The following PLEKHM3 variants were observed in gnomAD, a reference collection of about 807,000 sequenced individuals.
The protein encoded by PLEKHM3 is pleckstrin homology domain containing M3.
PLEKHM3 carries 45 observed loss-of-function variants against 81.8 expected under a neutral mutation model. That is an observed-to-expected ratio of 0.55 (90% CI 0.43 to 0.71). The LOEUF (loss-of-function observed/expected upper bound fraction) is 0.71. PLEKHM3 is among the 30% of genes least tolerant of loss of function. PLEKHM3 has a pLI of 0.00. For missense variants in PLEKHM3, 788 were observed against 924.3 expected (o/e 0.85, Z 1.91); for synonymous variants, 352 against 356.4 (o/e 0.99, Z 0.14).
At chr2:207,996,655 C>G (rs763045048) in intron 2 of PLEKHM3, among the ~76,000 whole-genome samples, 5 of 152,032 alleles carry the variant, frequency 3.3e-5, no homozygotes, top group Non-Finnish European at 7.4e-5. Context: ...AATAGCTGAT[C>G]ACAAATCAGT....
intron 4 of PLEKHM3, among the ~76,000 whole-genome samples, chr2:207,943,264 T>C (rs1690004229): frequency 6.6e-6 from 1 of 152,230 alleles, no homozygotes; most frequent in African/African-American, 2.4e-5. Flanking sequence ...ATAGTATGTA[T>C]GTATCAAAAT....
intron 3 of PLEKHM3, among the ~76,000 whole-genome samples, chr2:207,965,546 C>CA (rs1450445505): frequency 1.3e-5 from 2 of 152,022 alleles, no homozygotes; most frequent in Admixed American, 1.3e-4. Flanking sequence ...AGGAATAAAT[C>CA]AAAAAAGCAA....
intron 6 of PLEKHM3, among the ~76,000 whole-genome samples, chr2:207,897,855 T>G (rs1277197450): frequency 6.6e-6 from 1 of 152,216 alleles, no homozygotes; most frequent in Non-Finnish European, 1.5e-5. Context: ...TAGAATATGA[T>G]TTATCAACCA....
intron 5 of PLEKHM3, among the ~76,000 whole-genome samples, chr2:207,924,844 G>C (rs1689333964): frequency 6.6e-6 from 1 of 152,152 alleles, no homozygotes; most frequent in African/African-American, 2.4e-5. Flanking sequence ...GGTATTCCTA[G>C]CATTAGGGAG....
chr2:207,971,692 CATTAATACTATAGCACCACA>C (rs1339260153), intron 3 of PLEKHM3, among the ~76,000 whole-genome samples: 18 of 152,256 alleles, frequency 1.2e-4, no homozygotes, highest in Admixed American at 1.0e-3. Context: ...TTTGTTTTAG[CATTAATACTATAGCACCACA>C]GATTCCCCAT....
At chr2:207,853,320 G>C (rs1379170761) in intron 7 of PLEKHM3, among the ~76,000 whole-genome samples, 1 of 152,004 alleles carries the variant, frequency 6.6e-6, no homozygotes, top group East Asian at 1.9e-4. Flanking sequence ...GGGAGGCTGA[G>C]GCAGGAGAAT....
At chr2:207,975,633 C>T (rs1018661226) in intron 3 of PLEKHM3, among the ~76,000 whole-genome samples, 5 of 135,654 alleles carry the variant, frequency 3.7e-5, no homozygotes, top group African/African-American at 1.4e-4. Flanking sequence ...CTCTGTCGCC[C>T]AGGCTGGAGT....
At chr2:207,958,566 T>C (rs1166362783) in intron 3 of PLEKHM3, among the ~76,000 whole-genome samples, 1 of 152,204 alleles carries the variant, frequency 6.6e-6, no homozygotes, top group Non-Finnish European at 1.5e-5. Context: ...AGACAAATGC[T>C]GGGCTGGGCT....
intron 6 of PLEKHM3, among the ~76,000 whole-genome samples, chr2:207,873,950 T>C (rs1202683939): frequency 1.3e-5 from 2 of 152,200 alleles, no homozygotes; most frequent in East Asian, 3.8e-4. Flanking sequence ...TGCATGTACA[T>C]TGAAATAGGT....
At chr2:207,963,188 A>T (rs912596079) in intron 3 of PLEKHM3, among the ~76,000 whole-genome samples, 2 of 152,150 alleles carry the variant, frequency 1.3e-5, no homozygotes, top group Admixed American at 1.3e-4. Flanking sequence ...CTGAAGAATG[A>T]GCTGGGGGTC....
intron 6 of PLEKHM3, among the ~76,000 whole-genome samples, chr2:207,878,293 C>T (rs2092569344): frequency 1.4e-5 from 2 of 146,040 alleles, no homozygotes; most frequent in Admixed American, 1.4e-4. Context: ...CTGGAAGGCA[C>T]ACAGTGAGCA....
At chr2:207,838,492 TG>T (rs1414335365) in intron 7 of PLEKHM3, among the ~76,000 whole-genome samples, 1 of 152,256 alleles carries the variant, frequency 6.6e-6, no homozygotes, top group African/African-American at 2.4e-5. Flanking sequence ...TTGTTAATTT[TG>T]CTACCCTACT....
At chr2:207,927,030 A>G (rs1406999754) in intron 5 of PLEKHM3, among the ~76,000 whole-genome samples, 1 of 152,116 alleles carries the variant, frequency 6.6e-6, no homozygotes, top group East Asian at 1.9e-4. Flanking sequence ...ATTAATGGCC[A>G]CTCTCATATT....
intron 7 of PLEKHM3, among the ~76,000 whole-genome samples, chr2:207,856,338 TTTGAG>T (rs1205622539): frequency 6.6e-6 from 1 of 152,152 alleles, no homozygotes; most frequent in East Asian, 1.9e-4. Flanking sequence ...AAGTCCTCCA[TTTGAG>T]TTAAGGCTCA....
At chr2:207,915,421 G>A (rs928672186) in intron 5 of PLEKHM3, among the ~76,000 whole-genome samples, 1 of 152,102 alleles carries the variant, frequency 6.6e-6, no homozygotes, top group Non-Finnish European at 1.5e-5. Flanking sequence ...ACTAATTCCT[G>A]AGAAGTTCAA....
At chr2:208,010,961 C>A (rs971750261) in intron 1 of PLEKHM3, among the ~76,000 whole-genome samples, 2 of 151,192 alleles carry the variant, frequency 1.3e-5, no homozygotes, top group Non-Finnish European at 2.9e-5. Context: ...TAACAAATGG[C>A]CAATACATAT....
At chr2:207,837,917 CCCA>C (rs2092329705) in intron 7 of PLEKHM3, among the ~76,000 whole-genome samples, 1 of 150,700 alleles carries the variant, frequency 6.6e-6, no homozygotes, top group Non-Finnish European at 1.5e-5. Flanking sequence ...ATTACAGGCA[CCCA>C]CCACCACGCC....
At chr2:207,957,472 G>T (rs1433180633) in intron 3 of PLEKHM3, among the ~76,000 whole-genome samples, 1 of 152,230 alleles carries the variant, frequency 6.6e-6, no homozygotes, top group Non-Finnish European at 1.5e-5. Context: ...GCCGAGGCGG[G>T]TGGATCATTA....
At position 207,914,493 on chromosome 2, in the gene PLEKHM3, C is replaced by T. The variant is rs142773785; in HGVS notation, c.1887-5916G>A. 8.9e-3 allele frequency among the ~76,000 whole-genome samples: 1,318 copies of T among 148,076 alleles called. 21 individuals are homozygous for T. Among genetic ancestry groups the T allele is most frequent in the African/African-American group, 0.032 (1,249 of 39,478 alleles). The stretch of plus-strand genomic sequence containing the variant: ...AGCCTGGGCAATAAGAATGAAACTC[C>T]GTCTCAAAAAAAAAAACAAAAAACA... On this transcript the variant is annotated intron_variant, in intron 5 of 7. Coordinates refer to ENST00000427836, the MANE Select transcript of PLEKHM3 (RefSeq NM_001080475.3).
Sources: gnomAD v4.1 joint callset for allele counts (sites outside exome capture counted in the v4.1 genomes callset) on GRCh38, gnomAD v4.1.1 for gene constraint, MANE v1.5 for transcripts, NCBI Gene and HGNC (gene_info 2026-07-23, HGNC 2026-07-21) for gene names.